Variants in GNG7 observed in about 807,000 individuals in gnomAD.
The protein encoded by GNG7 is guanine nucleotide-binding protein G(I)/G(S)/G(O) subunit gamma-7.
Under a neutral mutation model 4.0 loss-of-function variants are expected in GNG7, and 1 was observed. That is an observed-to-expected ratio of 0.25 (90% CI 0.09 to 1.18). The LOEUF (loss-of-function observed/expected upper bound fraction) is 1.18, where lower values mean the gene tolerates loss of function less well. GNG7 is among the 50% of genes most tolerant of loss of function. The pLI is 0.50. For synonymous variants in GNG7, 34 were observed against 36.9 expected, an observed-to-expected ratio of 0.92 and a Z score of 0.29; for missense variants, 86 against 91.9, an observed-to-expected ratio of 0.94 and a Z score of 0.26.
rs1387338356 is a variant in GNG7 at position 2,513,173 on chromosome 19, A to T, written c.*1849T>A. 2 of 969,332 alleles carry T rather than the reference A, an allele frequency of 2.1e-6. No homozygotes were observed. Among genetic ancestry groups the T allele is most frequent in the African/African-American group, 1.8e-5 (1 of 56,864 alleles). 60.0% of individuals were successfully genotyped at this position (969,332 alleles called of 1,614,324 possible). On this transcript the variant is annotated 3_prime_UTR_variant, in exon 5 of 5. Coordinates refer to ENST00000382159, the MANE Select transcript of GNG7 (RefSeq NM_052847.3). ...GCCCTCTAGCCTTGGCGAGGTGGGA[A>T]CCCTGGCAGTCACCAGCTCAGGAAG...
chr19:2,597,776 G>A (rs1388520872), intron 2 of GNG7, among the ~76,000 whole-genome samples: 1 of 142,346 alleles, frequency 7.0e-6, no homozygotes, highest in Non-Finnish European at 1.5e-5. Context: ...GGCGCCTGTA[G>A]TGCCAGCTAC....
intron 2 of GNG7, among the ~76,000 whole-genome samples, chr19:2,627,348 C>T (rs571665075): frequency 1.3e-5 from 2 of 152,132 alleles, no homozygotes; most frequent in Admixed American, 1.3e-4. Flanking sequence ...TGTTAAATGG[C>T]GGTAAGGGGG....
At position 2,699,676 on chromosome 19, in the gene GNG7, G is replaced by A. The variant is rs541297606; in HGVS notation, c.-135+2970C>T. ...CCCTACAGGACGCTGGGTGATATCCGGAGACATCTGTGGTTGTCACAATGC... is the reference window on the plus strand; with the variant it reads ...CCCTACAGGACGCTGGGTGATATCCAGAGACATCTGTGGTTGTCACAATGC... On this transcript the variant is annotated intron_variant, in intron 1 of 4. Coordinates refer to ENST00000382159, the MANE Select transcript of GNG7 (RefSeq NM_052847.3). Among the ~76,000 whole-genome samples the A allele has an allele frequency of 1.1e-4, 17 of 152,250 alleles. No individual in the cohort carries two copies. In the East Asian group the frequency reaches 1.2e-3, roughly 10 times the overall value.
chr19:2,634,333 C>T lies in GNG7; in HGVS notation c.-78+11891G>A, dbSNP rs1029459446. Among the ~76,000 whole-genome samples, 2 of 152,204 alleles carry T rather than the reference C, an allele frequency of 1.3e-5. No homozygotes were observed. Among genetic ancestry groups the T allele is most frequent in the Non-Finnish European group, 2.9e-5 (2 of 68,038 alleles). On this transcript the variant is annotated intron_variant, in intron 2 of 4. Transcript: ENST00000382159. The surrounding 1 kb of genome is among the most constrained non-coding windows in gnomAD (Gnocchi z 5.3). ...GCCTCCACCCACTCCATGCCAGGAGCTCCCCCAAGTCGCGAAAACCACAGA... is the reference window on the plus strand; with the variant it reads ...GCCTCCACCCACTCCATGCCAGGAGTTCCCCCAAGTCGCGAAAACCACAGA...
chr19:2,603,575 C>G (rs1225026970), intron 2 of GNG7, among the ~76,000 whole-genome samples: 1 of 152,182 alleles, frequency 6.6e-6, no homozygotes, highest in Non-Finnish European at 1.5e-5. Flanking sequence ...GTATTCACAG[C>G]CTGGACTGGA....
At chr19:2,628,576 C>T (rs939588045) in intron 2 of GNG7, among the ~76,000 whole-genome samples, 2 of 149,810 alleles carry the variant, frequency 1.3e-5, no homozygotes, top group Admixed American at 6.6e-5. Context: ...TTTATGTGTA[C>T]GGTTCAGTGA....
intron 2 of GNG7, among the ~76,000 whole-genome samples, chr19:2,604,296 C>T (rs1001948449): frequency 6.6e-6 from 1 of 151,708 alleles, no homozygotes; most frequent in African/African-American, 2.4e-5. Flanking sequence ...ATAGCAAGAC[C>T]CCATCACTAC....
chr19:2,533,402 C>T (rs1978652850), intron 3 of GNG7, among the ~76,000 whole-genome samples: 1 of 152,038 alleles, frequency 6.6e-6, no homozygotes, highest in African/African-American at 2.4e-5. Context: ...GTTGCTGCCT[C>T]TGGCCAGGGT....
intron 2 of GNG7, among the ~76,000 whole-genome samples, chr19:2,593,889 T>C (rs1397149805): frequency 7.1e-6 from 1 of 141,066 alleles, no homozygotes; most frequent in East Asian, 2.0e-4. Flanking sequence ...TTTTAAGTTT[T>C]CTGAAGCAAG....
intron 1 of GNG7, among the ~76,000 whole-genome samples, chr19:2,662,064 A>T (rs1983193818): frequency 6.6e-6 from 1 of 152,182 alleles, no homozygotes; most frequent in Non-Finnish European, 1.5e-5. Context: ...GTTTGAGACC[A>T]GCGTGACCAA....
intron 1 of GNG7, among the ~76,000 whole-genome samples, chr19:2,696,334 G>GAAAGAAAGAAAGA (rs1555705074): frequency 3.1e-4 from 42 of 134,032 alleles, no homozygotes; most frequent in African/African-American, 1.2e-3. Flanking sequence ...AAGAAAGAAA[G>GAAAGAAAGAAAGA]AAAGAAAGAA....
intron 3 of GNG7, among the ~76,000 whole-genome samples, chr19:2,532,160 AAC>A (rs1491310280): frequency 2.7e-4 from 12 of 44,432 alleles, no homozygotes; most frequent in African/African-American, 2.2e-3. Context: ...CAAAAAAAAA[AAC>A]AAAAAAAAAA....
intron 2 of GNG7, among the ~76,000 whole-genome samples, chr19:2,569,823 G>A (rs568615253): frequency 1.1e-3 from 163 of 152,124 alleles, no homozygotes; most frequent in African/African-American, 3.7e-3. Flanking sequence ...AACCACAAAC[G>A]TCACCAGACA....
chr19:2,575,423 A>G (rs1431962524), intron 2 of GNG7, among the ~76,000 whole-genome samples: 1 of 152,234 alleles, frequency 6.6e-6, no homozygotes, highest in Non-Finnish European at 1.5e-5. Flanking sequence ...GCTCCAGGGA[A>G]GTGTACAAAG....
Position 2,652,865 on chromosome 19 carries a change from T to C in GNG7, c.-134-6585A>G, listed in dbSNP as rs140985699. ...TGGGAGGTTGAGGTGGGAGGATTGC[T>C]GAAGGCCAGAAGTTTGCAACCAGCC... On this transcript the variant is annotated intron_variant, in intron 1 of 4. Coordinates refer to ENST00000382159, the MANE Select transcript of GNG7 (RefSeq NM_052847.3). 6.4e-3 allele frequency among the ~76,000 whole-genome samples: 969 copies of C among 151,986 alleles called. 1 individual carries two copies. The highest frequency in any genetic ancestry group is 0.022 in the African/African-American group (901 of 41,462).
intron 3 of GNG7, among the ~76,000 whole-genome samples, chr19:2,523,919 C>T (rs1475540940): frequency 6.6e-6 from 1 of 152,202 alleles, no homozygotes; most frequent in Non-Finnish European, 1.5e-5. Flanking sequence ...AAGGCCCAAT[C>T]TGTCTGCTCT....
intron 1 of GNG7, among the ~76,000 whole-genome samples, chr19:2,656,985 G>C (rs887126015): frequency 1.4e-4 from 22 of 151,976 alleles, no homozygotes; most frequent in Non-Finnish European, 3.2e-4. Context: ...GCAGCGGAGA[G>C]GCCTTAAAAC....
At chr19:2,553,535 C>CACATTACATGTAAT (rs1979413130) in intron 3 of GNG7, among the ~76,000 whole-genome samples, 1 of 148,272 alleles carries the variant, frequency 6.7e-6, no homozygotes. Flanking sequence ...TTACATGTAA[C>CACATTACATGTAAT]ATCACATTAC....
chr19:2,678,895 G>A (rs935703935), intron 1 of GNG7, among the ~76,000 whole-genome samples: 2 of 152,002 alleles, frequency 1.3e-5, no homozygotes, highest in African/African-American at 4.8e-5. Flanking sequence ...TTCTCATGAC[G>A]GTCCCTCCGA....
Sources: allele counts gnomAD v4.1 joint callset (sites outside exome capture counted in the v4.1 genomes callset), GRCh38; gene constraint gnomAD v4.1.1; non-coding constraint Gnocchi (gnomAD v3.1); transcripts MANE v1.5; gene names NCBI Gene and HGNC (gene_info 2026-07-23, HGNC 2026-07-21).